Variants in INPP5B observed in about 807,000 individuals in gnomAD.
INPP5B encodes inositol polyphosphate-5-phosphatase B.
Under a neutral mutation model 118.5 loss-of-function variants are expected in INPP5B, and 90 were observed. The ratio of observed to expected loss-of-function variants is 0.76; its 90% CI spans 0.64 to 0.90. INPP5B has a LOEUF of 0.90. INPP5B is among the 40% of genes least tolerant of loss of function. The pLI, the probability that INPP5B is intolerant of heterozygous loss-of-function variation, is 0.00. For missense variants in INPP5B, 984 were observed against 1,125.6 expected (o/e 0.87, Z 1.80); for synonymous variants, 385 against 418.9 (o/e 0.92, Z 0.99).
In INPP5B at chr1:37,862,243, A is replaced by T; in HGVS notation, c.*72T>A. 1.0e-6 allele frequency: 1 copy of T among 969,654 alleles called. No homozygotes were observed. Among genetic ancestry groups the T allele is most frequent in the Non-Finnish European group, 1.7e-6 (1 of 602,534 alleles). The allele number at this position is 969,654 out of a possible 1,614,324, so 60.1% of individuals were successfully genotyped here. A position where few individuals can be genotyped will look rare whatever the true frequency, so the allele number is the denominator to read the frequency against. On this transcript the variant is annotated 3_prime_UTR_variant, in exon 24 of 24. Transcript: ENST00000373024. ...CAAGTGGCCTCACATAATTATCTTA[A>T]GGCATCTCTTGAGCTGAAACAGGTG...
intron 7 of INPP5B, chr1:37,931,680 G>A: frequency 6.6e-7 from 1 of 1,525,798 alleles, no homozygotes; most frequent in Non-Finnish European, 8.8e-7. Context: ...AACCTGCAGT[G>A]TTGCGCTCCC....
In INPP5B at chr1:37,887,471, T is replaced by C. The variant is rs779704507; in HGVS notation, c.900-6A>G. On this transcript the variant is annotated splice_polypyrimidine_tract_variant and splice_region_variant and intron_variant, in intron 10 of 23. Coordinates refer to ENST00000373024, the MANE Select transcript of INPP5B (RefSeq NM_005540.3). ...TCAGATCAAGCTCCTGGAACCTATT[T>C]TGAGAAGCAACCAGTTAGATAGTAA... 8 of 1,539,712 alleles carry C rather than the reference T, an allele frequency of 5.2e-6. No homozygotes were observed. Among genetic ancestry groups the C allele is most frequent in the Admixed American group, 1.7e-5 (1 of 57,386 alleles).
At chr1:37,889,804 C>G in intron 8 of INPP5B, 80 bp from the exon 9 acceptor site, 1 of 1,076,202 alleles carries the variant, frequency 9.3e-7, no homozygotes, top group Non-Finnish European at 1.3e-6. Flanking sequence ...AAAAGTTCCC[C>G]TATACAAGCA....
At chr1:37,881,019 G>C (rs193280198) in intron 14 of INPP5B, among the ~76,000 whole-genome samples, 2 of 152,296 alleles carry the variant, frequency 1.3e-5, no homozygotes, top group East Asian at 3.9e-4. Flanking sequence ...CATTGTGTCT[G>C]GCTAAGGCTC....
intron 21 of INPP5B, 158 bp from the exon 22 acceptor site, chr1:37,866,046 C>T (rs1031209817): frequency 1.3e-6 from 1 of 751,526 alleles, no homozygotes; most frequent in Non-Finnish European, 1.6e-6. Flanking sequence ...CACTGTTTGT[C>T]AGGTGAGCCA....
chr1:37,878,431 A>C (rs1642978358), intron 15 of INPP5B, 108 bp from the exon 16 acceptor site: 7 of 1,511,642 alleles, frequency 4.6e-6, no homozygotes, highest in Admixed American at 4.0e-5. Flanking sequence ...CTTCATGTCC[A>C]TGTGGCTAAG....
intron 7 of INPP5B, among the ~76,000 whole-genome samples, chr1:37,896,086 G>A (rs1430428184): frequency 9.4e-5 from 14 of 149,328 alleles, no homozygotes; most frequent in South Asian, 2.2e-4. Context: ...CTTCCCGGCC[G>A]CCATCACATC....
intron 7 of INPP5B, among the ~76,000 whole-genome samples, chr1:37,918,617 C>T (rs1040970874): frequency 2.0e-5 from 3 of 152,206 alleles, no homozygotes; most frequent in African/African-American, 7.2e-5. Context: ...TGGAAAATGC[C>T]TTGGGCTTTG....
intron 6 of INPP5B, among the ~76,000 whole-genome samples, chr1:37,932,756 C>T (rs1252901055): frequency 6.6e-6 from 1 of 152,108 alleles, no homozygotes; most frequent in African/African-American, 2.4e-5. Context: ...GGATTCAAAC[C>T]GATGCCAGAG....
intron 13 of INPP5B, among the ~76,000 whole-genome samples, chr1:37,885,289 C>T (rs1262216323): frequency 6.6e-6 from 1 of 152,024 alleles, no homozygotes; most frequent in Non-Finnish European, 1.5e-5. Context: ...TGGCAGGCGC[C>T]TGTAGTCCCA....
chr1:37,924,240 C>A (rs182922758), intron 7 of INPP5B, among the ~76,000 whole-genome samples: 1 of 151,884 alleles, frequency 6.6e-6, no homozygotes, highest in Non-Finnish European at 1.5e-5. Flanking sequence ...GTGATCTCGG[C>A]TCACTGCAAC....
intron 7 of INPP5B, among the ~76,000 whole-genome samples, chr1:37,917,125 C>G (rs1644892370): frequency 6.7e-6 from 1 of 149,162 alleles, no homozygotes; most frequent in Admixed American, 6.7e-5. Context: ...CCCGTCTCTA[C>G]TAAAAATATA....
chr1:37,911,381 A>C (rs1301159469), intron 7 of INPP5B, among the ~76,000 whole-genome samples: 1 of 152,086 alleles, frequency 6.6e-6, no homozygotes, highest in Non-Finnish European at 1.5e-5. Context: ...ACCACACCTG[A>C]TCCCCATGAC....
intron 7 of INPP5B, among the ~76,000 whole-genome samples, chr1:37,908,690 C>T (rs541310321): frequency 6.6e-5 from 10 of 152,260 alleles, no homozygotes; most frequent in East Asian, 1.9e-4. Flanking sequence ...TTAATCACTG[C>T]GGAGATGCCT....
intron 7 of INPP5B, among the ~76,000 whole-genome samples, chr1:37,904,661 T>C (rs1455827235): frequency 6.6e-6 from 1 of 152,118 alleles, no homozygotes; most frequent in Non-Finnish European, 1.5e-5. Flanking sequence ...GCGGATCACC[T>C]GAGGTTGGGA....
At chr1:37,927,351 AC>A (rs1172039132) in intron 7 of INPP5B, among the ~76,000 whole-genome samples, 3 of 151,960 alleles carry the variant, frequency 2.0e-5, no homozygotes, top group Non-Finnish European at 4.4e-5. Context: ...CTACCAATCT[AC>A]CGATTCAACT....
intron 3 of INPP5B, 27 bp from the exon 4 acceptor site, chr1:37,943,920 TG>T: frequency 6.5e-7 from 1 of 1,549,916 alleles, no homozygotes; most frequent in Non-Finnish European, 8.9e-7. Flanking sequence ...GAGGTGAGGA[TG>T]GGGGCCCGCT....
At chr1:37,903,901 A>G (rs1336982598) in intron 7 of INPP5B, among the ~76,000 whole-genome samples, 2 of 152,212 alleles carry the variant, frequency 1.3e-5, no homozygotes, top group Non-Finnish European at 2.9e-5. Context: ...AGGCTTAAAT[A>G]AAATATTTTT....
intron 12 of INPP5B, among the ~76,000 whole-genome samples, chr1:37,886,206 C>T (rs1331022291): frequency 3.3e-5 from 5 of 151,522 alleles, no homozygotes; most frequent in Admixed American, 2.0e-4. Flanking sequence ...AAAAACCCTA[C>T]AGACTTTCAA....
Sources: gnomAD v4.1 joint callset for allele counts (sites outside exome capture counted in the v4.1 genomes callset) on GRCh38, gnomAD v4.1.1 for gene constraint, MANE v1.5 for transcripts, NCBI Gene and HGNC (gene_info 2026-07-23, HGNC 2026-07-21) for gene names.